The following DOK5 variants were observed in gnomAD, a reference collection of about 807,000 sequenced individuals.
DOK5 encodes the protein docking protein 5, also known as downstream of tyrosine kinase 5.
In DOK5, 27 loss-of-function variants were observed where a neutral mutation model predicts 43.3. That is an observed-to-expected ratio of 0.62 (90% CI 0.46 to 0.86). DOK5 has a LOEUF of 0.86. Ranked by LOEUF, DOK5 falls within the 40% of genes least tolerant of loss-of-function variation. DOK5 has a pLI of 0.00. For synonymous variants in DOK5, 146 were observed against 140.1 expected, an observed-to-expected ratio of 1.04 and a Z score of -0.30; for missense variants, 373 against 392.9, an observed-to-expected ratio of 0.95 and a Z score of 0.43.
At chr20:54,495,720 A>G (rs1982365606) in intron 1 of DOK5, among the ~76,000 whole-genome samples, 1 of 152,128 alleles carries the variant, frequency 6.6e-6, no homozygotes, top group African/African-American at 2.4e-5. Context: ...GTGAAACCCC[A>G]TCTCTACAAT....
intron 1 of DOK5, among the ~76,000 whole-genome samples, chr20:54,512,505 T>C (rs1387678071): frequency 1.3e-5 from 2 of 152,274 alleles, no homozygotes; most frequent in Admixed American, 6.5e-5. Context: ...ATACACAGTT[T>C]ATTTATCCAT....
chr20:54,601,870 C>T (rs1324105536), intron 5 of DOK5, among the ~76,000 whole-genome samples: 1 of 152,240 alleles, frequency 6.6e-6, no homozygotes, highest in African/African-American at 2.4e-5. Context: ...TTAATTAAAG[C>T]TGATCCTTTT....
At chr20:54,527,143 T>C (rs900924456) in intron 1 of DOK5, among the ~76,000 whole-genome samples, 1 of 151,710 alleles carries the variant, frequency 6.6e-6, no homozygotes, top group South Asian at 2.1e-4. Context: ...AAAACATGGA[T>C]TTTGAATGAT....
At chr20:54,565,347 A>G (rs1035626944) in intron 2 of DOK5, among the ~76,000 whole-genome samples, 9 of 152,224 alleles carry the variant, frequency 5.9e-5, no homozygotes, top group Non-Finnish European at 1.3e-4. Flanking sequence ...CTCTCAAAAT[A>G]TCTATTGTAC....
At chr20:54,641,202 G>T (rs1979094478) in intron 6 of DOK5, among the ~76,000 whole-genome samples, 1 of 152,128 alleles carries the variant, frequency 6.6e-6, no homozygotes, top group Non-Finnish European at 1.5e-5. Context: ...TATCCTCATG[G>T]AATCTAATCC....
At chr20:54,530,954 A>G (rs1983750670) in intron 1 of DOK5, among the ~76,000 whole-genome samples, 1 of 152,022 alleles carries the variant, frequency 6.6e-6, no homozygotes, top group South Asian at 2.1e-4. Context: ...TATGAGGAAC[A>G]CTCTTGTCAA....
At chr20:54,580,142 G>A (rs1381701739) in intron 2 of DOK5, among the ~76,000 whole-genome samples, 4 of 152,004 alleles carry the variant, frequency 2.6e-5, no homozygotes, top group Non-Finnish European at 5.9e-5. Flanking sequence ...ATATTGCATG[G>A]TGTATATGTT....
At chr20:54,510,550 T>C (rs577825811) in intron 1 of DOK5, among the ~76,000 whole-genome samples, 6 of 152,316 alleles carry the variant, frequency 3.9e-5, no homozygotes, top group African/African-American at 1.2e-4. Context: ...GAAAAACTGA[T>C]AATATTATTG....
intron 1 of DOK5, among the ~76,000 whole-genome samples, chr20:54,527,528 A>G (rs933469441): frequency 6.6e-6 from 1 of 152,190 alleles, no homozygotes; most frequent in East Asian, 1.9e-4. Flanking sequence ...TTCAGTTCCC[A>G]CTATGAGGGA....
chr20:54,545,448 T>C (rs1218272423), intron 1 of DOK5, among the ~76,000 whole-genome samples: 2 of 152,134 alleles, frequency 1.3e-5, no homozygotes, highest in Admixed American at 6.5e-5. Flanking sequence ...CATGGAGAAG[T>C]GACTGGTCAG....
At chr20:54,643,405 C>T (rs2146830530) in intron 6 of DOK5, 53 bp from the exon 7 acceptor site, 1 of 1,600,624 alleles carries the variant, frequency 6.2e-7, no homozygotes, top group Non-Finnish European at 8.5e-7. Flanking sequence ...CTCAGTCAGG[C>T]CACTTTCGGC....
At position 54,481,570 on chromosome 20, in the gene DOK5, G is replaced by T. The variant is rs143579102; in HGVS notation, c.66+5558G>T. 4.6e-5 allele frequency among the ~76,000 whole-genome samples: 7 copies of T among 151,884 alleles called. No homozygotes were observed. The East Asian group carries it at 1.4e-3, about 29-fold the overall frequency. ...CCTCTCCTTCATTTATCTTTGTATTGCCTATGTACTGCCAAGGACATGTGA... is the reference window on the plus strand; with the variant it reads ...CCTCTCCTTCATTTATCTTTGTATTTCCTATGTACTGCCAAGGACATGTGA... On this transcript the variant is annotated intron_variant, in intron 1 of 7. Transcript: ENST00000262593.
At chr20:54,516,886 A>T (rs1252446641) in intron 1 of DOK5, among the ~76,000 whole-genome samples, 1 of 152,164 alleles carries the variant, frequency 6.6e-6, no homozygotes, top group African/African-American at 2.4e-5. Context: ...ATTCTGCAAC[A>T]CTGAATTTAA....
intron 2 of DOK5, among the ~76,000 whole-genome samples, chr20:54,568,265 C>T (rs1189839196): frequency 2.6e-5 from 4 of 152,170 alleles, no homozygotes; most frequent in African/African-American, 9.7e-5. Context: ...GATGTTTTTC[C>T]TCCATTCATG....
At chr20:54,625,491 A>G (rs1353091822) in intron 6 of DOK5, among the ~76,000 whole-genome samples, 2 of 152,224 alleles carry the variant, frequency 1.3e-5, no homozygotes, top group Non-Finnish European at 2.9e-5. Context: ...TAGGATCTGT[A>G]TAATACTCTC....
chr20:54,616,141 A>T (rs1986801095), intron 6 of DOK5, among the ~76,000 whole-genome samples: 1 of 152,242 alleles, frequency 6.6e-6, no homozygotes, highest in African/African-American at 2.4e-5. Flanking sequence ...TCTGTAACAG[A>T]CAATGTGTTA....
chr20:54,539,279 CAAAAAAAAAAAA>C (rs57981823), intron 1 of DOK5, among the ~76,000 whole-genome samples: 11 of 44,750 alleles, frequency 2.5e-4, no homozygotes, highest in Middle Eastern at 0.015. Flanking sequence ...GCTCCATCTC[CAAAAAAAAAAAA>C]AAAAAAAAAA....
intron 1 of DOK5, among the ~76,000 whole-genome samples, chr20:54,550,779 G>A (rs1443923183): frequency 6.6e-6 from 1 of 152,018 alleles, no homozygotes; most frequent in African/African-American, 2.4e-5. Flanking sequence ...ACCACAGTTC[G>A]TTTAATCATT....
chr20:54,591,348 T>G (rs1018318376), intron 4 of DOK5, among the ~76,000 whole-genome samples: 2 of 152,242 alleles, frequency 1.3e-5, no homozygotes, highest in Non-Finnish European at 2.9e-5. Context: ...TTATGCAAAT[T>G]TAAAAATTCT....
Sources: gnomAD v4.1 joint callset for allele counts (sites outside exome capture counted in the v4.1 genomes callset) on GRCh38, gnomAD v4.1.1 for gene constraint, MANE v1.5 for transcripts, NCBI Gene and HGNC (gene_info 2026-07-23, HGNC 2026-07-21) for gene names.